The following FCHO1 variants were observed in gnomAD, a reference collection of about 807,000 sequenced individuals.
FCHO1 encodes FCH and mu domain containing endocytic adaptor 1.
A neutral mutation model predicts 114.4 loss-of-function variants in FCHO1; 45 were observed. The ratio of observed to expected loss-of-function variants is 0.39; its 90% CI spans 0.31 to 0.50. The LOEUF (loss-of-function observed/expected upper bound fraction) is 0.50. Ranked by LOEUF, FCHO1 falls within the 20% of genes least tolerant of loss-of-function variation. The pLI is 0.77. For missense variants in FCHO1, 1,042 were observed against 1,209.6 expected, an observed-to-expected ratio of 0.86 and a Z score of 2.06; for synonymous variants, 480 against 488.9, an observed-to-expected ratio of 0.98 and a Z score of 0.24.
intron 11 of FCHO1, among the ~76,000 whole-genome samples, chr19:17,774,013 C>A (rs76855150): frequency 2.6e-5 from 4 of 151,764 alleles, no homozygotes; most frequent in Non-Finnish European, 5.9e-5. Context: ...TGGGTTCAAG[C>A]GATTCTCCTG....
chr19:17,781,596 T>C, intron 22 of FCHO1, 57 bp downstream of exon 22: 1 of 1,590,640 alleles, frequency 6.3e-7, no homozygotes. Flanking sequence ...TTCTCTGGTC[T>C]GGGTGGGTGG....
At position 17,759,226 on chromosome 19, in the gene FCHO1, C is replaced by CTT. The variant is rs1473282318; in HGVS notation, c.28-3523_28-3522dup. Among the ~76,000 whole-genome samples, 63 of 105,900 alleles carry CTT rather than the reference C, an allele frequency of 5.9e-4. 2 individuals are homozygous for CTT. The highest frequency in any genetic ancestry group is 7.5e-4 in the Admixed American group (6 of 7,972). 69.5% of individuals were successfully genotyped at this position (105,900 alleles called of 152,430 possible). On this transcript the variant is annotated intron_variant, in intron 4 of 28. Coordinates refer to ENST00000596536, the MANE Select transcript of FCHO1 (RefSeq NM_015122.3). ...GTTCCCTCAGACCCCAGCTGATTAC[C>CTT]TTTTTTTTTTTTTTGAGACAGAGTC...
At chr19:17,764,804 G>A (rs1475028321) in intron 6 of FCHO1, among the ~76,000 whole-genome samples, 1 of 152,106 alleles carries the variant, frequency 6.6e-6, no homozygotes, top group Non-Finnish European at 1.5e-5. Flanking sequence ...GGTGGCTCAT[G>A]CCTGTACTCC....
chr19:17,777,201 C>G lies in FCHO1; in HGVS notation c.1259+515C>G, dbSNP rs190764439. 4.0e-3 allele frequency among the ~76,000 whole-genome samples: 602 copies of G among 152,214 alleles called. 3 individuals are homozygous for G. The highest frequency in any genetic ancestry group is 0.013 in the African/African-American group (546 of 41,534). ...CTAGGGTCTGGGTTCTGAGACAGGT[C>G]TCCCTTCTCAGAGTCACATTCTAGT... On this transcript the variant is annotated intron_variant, in intron 18 of 28. Coordinates refer to ENST00000596536, the MANE Select transcript of FCHO1 (RefSeq NM_015122.3).
rs758779899 is a variant in FCHO1, at chr19:17,776,008, G to A, written c.1029G>A (p.Ser343=). 51 of 1,608,612 alleles carry A rather than the reference G, an allele frequency of 3.2e-5. No individual in the cohort carries two copies. Among genetic ancestry groups the A allele is most frequent in the Admixed American group, 6.7e-5 (4 of 59,986 alleles). ...GCACGGCCGAGCCCTCCCGTTTCTC[G>A]TCCAGCGACTCCGACTTCGACGATG... ...QNSTAEPSRF[S]SSDSDFDDEE... The change falls in exon 16 of 29, where the codon TCG becomes TCA. Residue 343 remains serine, a synonymous_variant. Coordinates refer to ENST00000596536, the MANE Select transcript of FCHO1 (RefSeq NM_015122.3). The surrounding 1 kb of genome is among the most constrained non-coding windows in gnomAD (Gnocchi z 4.4).
chr19:17,781,475 A>T lies in FCHO1; in HGVS notation c.1764A>T (p.Pro588=), dbSNP rs1383611780. The T allele has an allele frequency of 6.2e-7, 1 of 1,613,646 alleles. No individual in the cohort carries two copies. The highest frequency in any genetic ancestry group is 2.2e-5 in the East Asian group (1 of 44,848). ...AGTCTCGTTCCCTGAGCCCCTCCCC[A>T]CTGGGCTCTTCAGCCGCCAGCACTG... ...GDLSRSLSPS[P]LGSSAASTAL... The change falls in exon 22 of 29, where the codon CCA becomes CCT. Residue 588 remains proline (P), a synonymous_variant. Coordinates refer to ENST00000596536, the MANE Select transcript of FCHO1 (RefSeq NM_015122.3).
chr19:17,774,411 G>A lies in FCHO1; in HGVS notation c.853G>A (p.Gly285Arg). Residue 285 changes from glycine to arginine, a missense_variant, in exon 13 of 29, where the codon GGA (glycine) becomes AGA (arginine). This residue lies in a region of FCHO1 where 450 missense variants were observed against 564.1 expected (regional missense o/e 0.80). Transcript: ENST00000596536. ...ALQEAMKRLR[G>R]AKAFRLPGLS... Reference sequence around the variant, plus strand: ...ATCCTCAGCGATGAAACGTTTGCGGGGAGCCAAGGCCTTTCGCCTTCCAGG... The same window carrying A: ...ATCCTCAGCGATGAAACGTTTGCGGAGAGCCAAGGCCTTTCGCCTTCCAGG... 1 of 1,613,994 alleles carries A rather than the reference G, an allele frequency of 6.2e-7. No individual in the cohort carries two copies. Among genetic ancestry groups the A allele is most frequent in the Non-Finnish European group, 8.5e-7 (1 of 1,180,016 alleles).
chr19:17,770,812 G>T lies in FCHO1; in HGVS notation c.510G>T (p.Lys170Asn). 1 of 1,614,184 alleles carries T rather than the reference G, an allele frequency of 6.2e-7. No homozygotes were observed. The highest frequency in any genetic ancestry group is 8.5e-7 in the Non-Finnish European group (1 of 1,180,056). Reference sequence around the variant, plus strand: ...TGTAGGCGGAGACTAAAACCAAGAAGGCGGCAGAGAGCCTGCGGCGCTCAG... The same window carrying T: ...TGTAGGCGGAGACTAAAACCAAGAATGCGGCAGAGAGCCTGCGGCGCTCAG... The part of the protein sequence containing the change: ...EMDKAETKTK[K>N]AAESLRRSVE... The change falls in exon 9 of 29, where the codon AAG becomes AAT. Residue 170 changes from lysine (K) to asparagine (N), a missense_variant. This residue lies in a region of FCHO1 where 450 missense variants were observed against 564.1 expected (regional missense o/e 0.80). Transcript: ENST00000596536.
chr19:17,748,515 G>GT (rs566381048), upstream of FCHO1, among the ~76,000 whole-genome samples: 1,082 of 151,706 alleles, frequency 7.1e-3, 11 homozygotes, highest in Middle Eastern at 0.037. Flanking sequence ...CTTGGGGGGG[G>GT]GGTCCCTCTT....
chr19:17,761,104 A>G (rs1568324634), intron 4 of FCHO1, among the ~76,000 whole-genome samples: 1 of 152,202 alleles, frequency 6.6e-6, no homozygotes, highest in African/African-American at 2.4e-5. Context: ...CAGGGTAGAA[A>G]TACTCAGTTC....
Position 17,776,838 on chromosome 19 carries a change from C to G in FCHO1, c.1259+152C>G. 1 of 720,756 alleles carries G rather than the reference C, an allele frequency of 1.4e-6. No individual in the cohort carries two copies. The highest frequency in any genetic ancestry group is 2.3e-6 in the Non-Finnish European group (1 of 433,526). The allele number at this position is 720,756 out of a possible 1,614,324, so 44.6% of individuals were successfully genotyped here. On this transcript the variant is annotated intron_variant, in intron 18 of 28. Coordinates refer to ENST00000596536, the MANE Select transcript of FCHO1 (RefSeq NM_015122.3). The surrounding 1 kb of genome is among the most constrained non-coding windows in gnomAD (Gnocchi z 4.4). The stretch of plus-strand genomic sequence containing the variant: ...GTTTTTGTTTTGAGACAGAGTCTCA[C>G]TCTGTCACCCAGGCTGGAGTGCGAT...
rs557612001 is a variant in FCHO1 at position 17,759,161 on chromosome 19, G to A, written c.28-3601G>A. On this transcript the variant is annotated intron_variant, in intron 4 of 28. Transcript: ENST00000596536. ...ATCCCTCCACAAGCCTTCTCTTCCAGTGTTATTATAAGACCTGATTTGGTG... is the reference window on the plus strand; with the variant it reads ...ATCCCTCCACAAGCCTTCTCTTCCAATGTTATTATAAGACCTGATTTGGTG... 2.7e-5 allele frequency among the ~76,000 whole-genome samples: 4 copies of A among 150,916 alleles called. No homozygotes were observed. The South Asian group carries it at 8.4e-4, about 32-fold the overall frequency.
chr19:17,753,478 G>A (rs2057917978), intron 1 of FCHO1, among the ~76,000 whole-genome samples: 2 of 152,174 alleles, frequency 1.3e-5, no homozygotes, highest in Admixed American at 1.3e-4. Context: ...CCCTGACCAT[G>A]CAGGACGGTG....
upstream of FCHO1, among the ~76,000 whole-genome samples, chr19:17,750,827 CTT>C (rs56003373): frequency 2.6e-4 from 35 of 134,238 alleles, no homozygotes; most frequent in Non-Finnish European, 3.0e-4. Context: ...CCTTTCTTTT[CTT>C]TTTTTTTTTT....
chr19:17,784,417 G>C lies in FCHO1; in HGVS notation c.2226+182G>C, dbSNP rs2093689917. Among the ~76,000 whole-genome samples, 1 of 152,126 alleles carries C rather than the reference G, an allele frequency of 6.6e-6. No homozygotes were observed. The highest frequency in any genetic ancestry group is 1.5e-5 in the Non-Finnish European group (1 of 68,026). On this transcript the variant is annotated intron_variant, in intron 25 of 28. Transcript: ENST00000596536. The surrounding 1 kb of genome is among the most constrained non-coding windows in gnomAD (Gnocchi z 5.3). Reference sequence around the variant, plus strand: ...GCAGTGTGGGTCGGGAATGAACGGTGGAGGAGTAGGCAGTGTGGAAGAGCG... The same window carrying C: ...GCAGTGTGGGTCGGGAATGAACGGTCGAGGAGTAGGCAGTGTGGAAGAGCG...
intron 28 of FCHO1, 120 bp downstream of exon 28, chr19:17,787,966 GC>G: frequency 7.8e-7 from 1 of 1,283,636 alleles, no homozygotes; most frequent in Non-Finnish European, 1.1e-6. Context: ...GGGTGTTGGG[GC>G]CAGGAGACCC....
chr19:17,774,406 T>C lies in FCHO1; in HGVS notation c.848T>C (p.Leu283Ser). 1 of 1,613,986 alleles carries C rather than the reference T, an allele frequency of 6.2e-7. No homozygotes were observed. Among genetic ancestry groups the C allele is most frequent in the Non-Finnish European group, 8.5e-7 (1 of 1,180,004 alleles). Residue 283 changes from leucine (L) to serine (S), a missense_variant, in exon 13 of 29, where the codon TTG becomes TCG. This residue lies in a region of FCHO1 where 450 missense variants were observed against 564.1 expected (regional missense o/e 0.80). Transcript: ENST00000596536. Reference protein sequence around the residue: ...AAALQEAMKRLRGAKAFRLPG... With the variant: ...AAALQEAMKRSRGAKAFRLPG... The stretch of plus-strand genomic sequence containing the variant: ...AATCTATCCTCAGCGATGAAACGTT[T>C]GCGGGGAGCCAAGGCCTTTCGCCTT...
intron 13 of FCHO1, 58 bp from the exon 14 acceptor site, chr19:17,774,998 C>T (rs2092414445): frequency 1.2e-6 from 2 of 1,600,814 alleles, no homozygotes; most frequent in Non-Finnish European, 1.7e-6. Context: ...TGGGGGCTGA[C>T]AGGGGGCACC....
Position 17,776,792 on chromosome 19 carries a change from T to A in FCHO1, c.1259+106T>A. 1 of 1,087,564 alleles carries A rather than the reference T, an allele frequency of 9.2e-7. No homozygotes were observed. The highest frequency in any genetic ancestry group is 1.4e-6 in the Non-Finnish European group (1 of 740,240). The allele number at this position is 1,087,564 out of a possible 1,614,324, so 67.4% of individuals were successfully genotyped here. A position where few individuals can be genotyped will look rare whatever the true frequency, so the allele number is the denominator to read the frequency against. The stretch of plus-strand genomic sequence containing the variant: ...TTGTCCCGGCTGGGAGTTGACGTCA[T>A]GCTGGGGTTTTTTTGTTTTTGTTTT... On this transcript the variant is annotated intron_variant, in intron 18 of 28. Transcript: ENST00000596536. This position sits in a 1 kb window ranked among gnomAD's most constrained non-coding sequence, Gnocchi z 4.4.
Sources: allele counts gnomAD v4.1 joint callset (sites outside exome capture counted in the v4.1 genomes callset), GRCh38; gene constraint gnomAD v4.1.1; regional missense constraint gnomAD v4.1.1; non-coding constraint Gnocchi (gnomAD v3.1); transcripts MANE v1.5; gene names NCBI Gene and HGNC (gene_info 2026-07-23, HGNC 2026-07-21).